ANXA8: variants seen among roughly 807,000 people sequenced by gnomAD.
ANXA8 encodes the protein VAC-beta.
A neutral mutation model predicts 26.8 loss-of-function variants in ANXA8; 9 were observed. The ratio of observed to expected loss-of-function variants is 0.34; its 90% CI spans 0.20 to 0.59. The LOEUF is 0.59. Among genes scored for constraint, ANXA8 ranks in the 20% least tolerant of loss-of-function variants. The pLI is 0.84. For missense variants in ANXA8, 83 were observed against 238.5 expected (o/e 0.35, Z 4.29); for synonymous variants, 39 against 94.8 (o/e 0.41, Z 3.42).
chr10:47,625,047 CA>C, the ANXA8 span, among the ~76,000 whole-genome samples: 1 of 40,760 alleles, frequency 2.5e-5, no homozygotes. Context: ...TTTAAGGTAA[CA>C]AAAAAACATT....
chr10:47,566,611 CCT>C, the ANXA8 span, among the ~76,000 whole-genome samples: 3 of 146,180 alleles, frequency 2.1e-5, no homozygotes, highest in Admixed American at 6.8e-5. Flanking sequence ...AGAGCTGTTC[CCT>C]CTCAGGGGAG....
chr10:47,501,317 G>T, the ANXA8 span, among the ~76,000 whole-genome samples: 12 of 143,940 alleles, frequency 8.3e-5, no homozygotes. Context: ...AAAGTGCTAG[G>T]ATTACAGGTG....
At chr10:47,647,395 T>C in the ANXA8 span, among the ~76,000 whole-genome samples, 1 of 151,106 alleles carries the variant, frequency 6.6e-6, no homozygotes, top group African/African-American at 2.4e-5. Flanking sequence ...TATCATATTA[T>C]ATTTCTTTTA....
At chr10:47,557,378 T>C in the ANXA8 span, among the ~76,000 whole-genome samples, 1 of 151,666 alleles carries the variant, frequency 6.6e-6, no homozygotes, top group Non-Finnish European at 1.5e-5. Flanking sequence ...TGAATTTTTA[T>C]CTGAGACATA....
chr10:47,659,332 G>C, the ANXA8 span, among the ~76,000 whole-genome samples: 6 of 151,748 alleles, frequency 4.0e-5, no homozygotes, highest in Admixed American at 3.9e-4. Flanking sequence ...ATTCAAGAGA[G>C]AATATTAATG....
the ANXA8 span, among the ~76,000 whole-genome samples, chr10:47,971,541 C>G: frequency 4.5e-5 from 5 of 110,186 alleles, no homozygotes; most frequent in East Asian, 1.1e-3. Flanking sequence ...ACCCCATGCC[C>G]CACTGTGGGG....
chr10:47,706,789 T>C, the ANXA8 span: 1 of 988,864 alleles, frequency 1.0e-6, no homozygotes, highest in Non-Finnish European at 1.6e-6. Flanking sequence ...ACACTGGGAA[T>C]ATATTCTAGC....
chr10:47,761,126 A>ACG, the ANXA8 span, among the ~76,000 whole-genome samples: 8 of 150,908 alleles, frequency 5.3e-5, no homozygotes, highest in Non-Finnish European at 1.0e-4. Context: ...ACACACACAC[A>ACG]CAGCAGTGGG....
At chr10:47,543,895 C>T in the ANXA8 span, among the ~76,000 whole-genome samples, 5 of 138,966 alleles carry the variant, frequency 3.6e-5, no homozygotes, top group African/African-American at 8.4e-5. Context: ...AGATGGGAGA[C>T]GACGTCTACC....
chr10:47,710,154 A>T, the ANXA8 span: 8 of 750,732 alleles, frequency 1.1e-5, no homozygotes, highest in Non-Finnish European at 1.7e-5. Context: ...AGTTCTAAAA[A>T]ATATTATTTG....
the ANXA8 span, chr10:47,985,941 CT>C: frequency 6.7e-6 from 1 of 149,964 alleles, no homozygotes; most frequent in Non-Finnish European, 1.5e-5. Context: ...TTATTGTCTG[CT>C]ACCATTCCAT....
At chr10:47,586,734 C>T in the ANXA8 span, among the ~76,000 whole-genome samples, 1 of 145,854 alleles carries the variant, frequency 6.9e-6, no homozygotes, top group Non-Finnish European at 1.5e-5. Flanking sequence ...GCCCTACTTG[C>T]CTGACATGCA....
the ANXA8 span, among the ~76,000 whole-genome samples, chr10:47,682,034 G>A: frequency 9.3e-5 from 14 of 150,772 alleles, no homozygotes; most frequent in Admixed American, 4.0e-4. Flanking sequence ...CAGACCTGGC[G>A]GCCATGATCC....
At chr10:47,485,515 CTG>C (rs1840020270), upstream of ANXA8, among the ~76,000 whole-genome samples, 1 of 152,098 alleles carries the variant, frequency 6.6e-6, no homozygotes, top group Non-Finnish European at 1.5e-5. Context: ...TGTTCACAAA[CTG>C]TGAGTCCAAT....
chr10:47,645,762 C>T, the ANXA8 span, among the ~76,000 whole-genome samples: 5 of 149,974 alleles, frequency 3.3e-5, no homozygotes, highest in Non-Finnish European at 7.4e-5. Context: ...AGAGGATCAT[C>T]CTCACCAATA....
the ANXA8 span, chr10:47,706,688 G>T: frequency 1.2e-5 from 17 of 1,381,114 alleles, no homozygotes; most frequent in Non-Finnish European, 1.6e-5. Context: ...TTTTTCGAAG[G>T]ATGATTTTGG....
At chr10:47,561,597 C>T in the ANXA8 span, among the ~76,000 whole-genome samples, 1 of 151,738 alleles carries the variant, frequency 6.6e-6, no homozygotes, top group Non-Finnish European at 1.5e-5. Flanking sequence ...TTTAAAAGTA[C>T]ATGTATGTCA....
At chr10:47,667,490 G>GT in the ANXA8 span, among the ~76,000 whole-genome samples, 2 of 151,744 alleles carry the variant, frequency 1.3e-5, no homozygotes, top group Non-Finnish European at 2.9e-5. Context: ...TGCACTCAGT[G>GT]TTTTTTTGTT....
chr10:47,695,408 G>A, the ANXA8 span, among the ~76,000 whole-genome samples: 1 of 151,262 alleles, frequency 6.6e-6, no homozygotes, highest in Admixed American at 6.6e-5. Context: ...GCAAGGAGTG[G>A]GAAGGGAGAG....
Sources: gnomAD v4.1 joint callset for allele counts (sites outside exome capture counted in the v4.1 genomes callset) on GRCh38, gnomAD v4.1.1 for gene constraint, MANE v1.5 for transcripts, NCBI Gene and HGNC (gene_info 2026-07-23, HGNC 2026-07-21) for gene names.